GPC5: variants seen among roughly 807,000 people sequenced by gnomAD.
GPC5 encodes glypican 5, also known as glypican-5.
GPC5 carries 47 observed loss-of-function variants against 53.9 expected under a neutral mutation model. That is an observed-to-expected ratio of 0.87 (90% confidence interval 0.69 to 1.11). The LOEUF is 1.11. Ranked by LOEUF, GPC5 falls within the 50% of genes most tolerant of loss-of-function variation. The probability of loss-of-function intolerance (pLI) is 0.00; values close to 1 mark genes in which losing one functional copy is unlikely to be tolerated. For synonymous variants in GPC5, 286 were observed against 263.3 expected (o/e 1.09, Z -0.84); for missense variants, 748 against 713.1 (o/e 1.05, Z -0.56).
intron 6 of GPC5, among the ~76,000 whole-genome samples, chr13:92,093,640 G>A (rs2041398646): frequency 6.6e-6 from 1 of 152,108 alleles, no homozygotes; most frequent in African/African-American, 2.4e-5. Flanking sequence ...TACTCTATTG[G>A]AGGTAATGGT....
chr13:91,404,016 G>A (rs1006505146), intron 1 of GPC5, among the ~76,000 whole-genome samples: 2 of 152,076 alleles, frequency 1.3e-5, no homozygotes, highest in African/African-American at 4.8e-5. Flanking sequence ...ATTGGCTTAG[G>A]AGGGGTACAA....
chr13:92,100,215 C>T (rs528308281), intron 6 of GPC5, among the ~76,000 whole-genome samples: 1 of 152,162 alleles, frequency 6.6e-6, no homozygotes, highest in East Asian at 1.9e-4. Context: ...CCAACCTGTC[C>T]AAGATGGTGA....
chr13:91,788,992 C>A (rs1440736727), intron 5 of GPC5, among the ~76,000 whole-genome samples: 1 of 151,988 alleles, frequency 6.6e-6, no homozygotes, highest in East Asian at 1.9e-4. Context: ...GGCAGGTGTA[C>A]CACCTGAGGT....
chr13:92,774,660 T>G (rs1875734455), intron 7 of GPC5, among the ~76,000 whole-genome samples: 1 of 152,166 alleles, frequency 6.6e-6, no homozygotes, highest in Non-Finnish European at 1.5e-5. Context: ...CTGAATCTAG[T>G]CCAATTCAGC....
chr13:92,610,762 G>A (rs1385019316), intron 7 of GPC5, among the ~76,000 whole-genome samples: 4 of 152,060 alleles, frequency 2.6e-5, no homozygotes, highest in Non-Finnish European at 5.9e-5. Context: ...TCACAGGGTG[G>A]CAGGAAGGAG....
chr13:92,732,235 C>G (rs1888828587), intron 7 of GPC5, among the ~76,000 whole-genome samples: 1 of 151,456 alleles, frequency 6.6e-6, no homozygotes, highest in Non-Finnish European at 1.5e-5. Context: ...AAATTAGAAA[C>G]TTTACAACCT....
intron 2 of GPC5, among the ~76,000 whole-genome samples, chr13:91,538,837 CCT>C (rs1231583353): frequency 1.1e-4 from 17 of 148,542 alleles, no homozygotes; most frequent in Non-Finnish European, 2.4e-4. Flanking sequence ...CCCGCCCCCC[CCT>C]CAGCCTCCCA....
intron 7 of GPC5, among the ~76,000 whole-genome samples, chr13:92,323,295 A>G (rs2043227873): frequency 6.7e-6 from 1 of 150,280 alleles, no homozygotes; most frequent in South Asian, 2.1e-4. Flanking sequence ...ACCAAAAAAT[A>G]CATACATATA....
intron 7 of GPC5, among the ~76,000 whole-genome samples, chr13:92,850,513 C>T (rs777689522): frequency 4.6e-5 from 7 of 152,012 alleles, no homozygotes; most frequent in Admixed American, 4.6e-4. Flanking sequence ...ACAGGAGAAT[C>T]GCTGGAACCC....
intron 5 of GPC5, among the ~76,000 whole-genome samples, chr13:91,870,840 C>A (rs1206357215): frequency 6.6e-6 from 1 of 152,082 alleles, no homozygotes; most frequent in Non-Finnish European, 1.5e-5. Context: ...CAAGTTGATC[C>A]GTGTTGCATT....
intron 7 of GPC5, among the ~76,000 whole-genome samples, chr13:92,623,282 G>C (rs1401936108): frequency 6.6e-6 from 1 of 152,134 alleles, no homozygotes; most frequent in Non-Finnish European, 1.5e-5. Context: ...GTGGTTGCAC[G>C]GCTCATCTGC....
intron 7 of GPC5, among the ~76,000 whole-genome samples, chr13:92,477,084 G>A (rs1879179630): frequency 6.7e-6 from 1 of 148,572 alleles, no homozygotes; most frequent in Non-Finnish European, 1.5e-5. Flanking sequence ...TAAATAAAAA[G>A]AAAATAAACA....
At chr13:91,564,905 AATTC>A (rs1371032597) in intron 2 of GPC5, among the ~76,000 whole-genome samples, 2 of 152,232 alleles carry the variant, frequency 1.3e-5, no homozygotes, top group South Asian at 2.1e-4. Flanking sequence ...TAAATAAAAT[AATTC>A]AAGGTCATAA....
At chr13:92,410,657 G>A (rs1360893623) in intron 7 of GPC5, among the ~76,000 whole-genome samples, 1 of 152,162 alleles carries the variant, frequency 6.6e-6, no homozygotes, top group Non-Finnish European at 1.5e-5. Flanking sequence ...TGATGCAAAA[G>A]GAGTGCCAAA....
chr13:92,554,817 C>T (rs1053630534), intron 7 of GPC5, among the ~76,000 whole-genome samples: 2 of 150,638 alleles, frequency 1.3e-5, no homozygotes, highest in African/African-American at 2.4e-5. Context: ...AAAATTAATG[C>T]ATATGTGTAT....
At chr13:91,869,358 A>G (rs533266161) in intron 5 of GPC5, among the ~76,000 whole-genome samples, 275 of 152,188 alleles carry the variant, frequency 1.8e-3, no homozygotes, top group Middle Eastern at 3.4e-3. Flanking sequence ...CTCGCCAGCA[A>G]TGGTGTTTCT....
intron 6 of GPC5, among the ~76,000 whole-genome samples, chr13:92,104,758 G>A (rs1272118246): frequency 6.6e-6 from 1 of 152,040 alleles, no homozygotes; most frequent in African/African-American, 2.4e-5. Context: ...TCCTTACTGA[G>A]AGTTTTAATC....
intron 5 of GPC5, among the ~76,000 whole-genome samples, chr13:91,820,691 C>T (rs573451341): frequency 2.6e-5 from 4 of 152,100 alleles, no homozygotes; most frequent in Admixed American, 1.3e-4. Context: ...GGGCCGGGCG[C>T]GGTGGCTCAC....
chr13:91,948,536 CT>C (rs1275623114), intron 6 of GPC5, among the ~76,000 whole-genome samples: 2 of 151,616 alleles, frequency 1.3e-5, no homozygotes, highest in African/African-American at 4.8e-5. Flanking sequence ...TCATGTTGAG[CT>C]TTTTTTTAAA....
Sources: gnomAD v4.1 joint callset for allele counts (sites outside exome capture counted in the v4.1 genomes callset) on GRCh38, gnomAD v4.1.1 for gene constraint, MANE v1.5 for transcripts, NCBI Gene and HGNC (gene_info 2026-07-23, HGNC 2026-07-21) for gene names.